The following FKTN variants were observed in gnomAD, a reference collection of about 807,000 sequenced individuals.
FKTN encodes the protein fukutin.
FKTN carries 47 observed loss-of-function variants against 58.6 expected under a neutral mutation model. That is an observed-to-expected ratio of 0.80 (90% CI 0.63 to 1.02). The LOEUF is 1.02. Ranked by LOEUF, FKTN falls within the 50% of genes least tolerant of loss-of-function variation. The pLI is 0.00. For missense variants in FKTN, 516 were observed against 537.3 expected (o/e 0.96, Z 0.39); for synonymous variants, 178 against 191.9 (o/e 0.93, Z 0.60).
In FKTN at chr9:105,604,410, T is replaced by C; in HGVS notation, c.565T>C (p.Leu189=). The C allele has an allele frequency of 6.2e-7, 1 of 1,614,080 alleles. No homozygotes were observed. Among genetic ancestry groups the C allele is most frequent in the East Asian group, 2.2e-5 (1 of 44,878 alleles). The change falls in exon 6 of 11, where the codon TTG becomes CTG. Residue 189 remains leucine, a synonymous_variant. Transcript: ENST00000357998. ...RSGNYLWHGH[L]RLKEHIDRKF... is the part of the protein sequence containing the mutation. ...TGGCAACTACCTCTGGCACGGCCAC[T>C]TGAGACTTAAAGAACACATTGACAG...
Position 105,637,089 on chromosome 9 carries a change from A to AC in FKTN, c.*1828dup. 1.0e-6 allele frequency: 1 copy of AC among 986,550 alleles called. No individual in the cohort carries two copies. The allele number at this position is 986,550 out of a possible 1,614,324, so 61.1% of individuals were successfully genotyped here. Reference sequence around the variant, plus strand: ...TGCATTCCCAAATTCTAAATAGCTGACCCTAAATTCATTTTTCATGCTTAA... The same window carrying AC: ...TGCATTCCCAAATTCTAAATAGCTGACCCCTAAATTCATTTTTCATGCTTAA... On this transcript the variant is annotated 3_prime_UTR_variant, in exon 11 of 11. Transcript: ENST00000357998.
At chr9:105,560,826 C>T (rs754284409) in intron 1 of FKTN, among the ~76,000 whole-genome samples, 7 of 152,118 alleles carry the variant, frequency 4.6e-5, no homozygotes, top group Admixed American at 1.3e-4. Flanking sequence ...CGGTGGCTCA[C>T]GTCTGTAATC....
chr9:105,621,179 G>C (rs1005705925), intron 10 of FKTN, among the ~76,000 whole-genome samples: 1 of 152,128 alleles, frequency 6.6e-6, no homozygotes, highest in Admixed American at 6.5e-5. Context: ...TTTAACAAGA[G>C]AAATGAGCAG....
At chr9:105,577,986 A>G (rs551380582) in intron 3 of FKTN, among the ~76,000 whole-genome samples, 1 of 151,978 alleles carries the variant, frequency 6.6e-6, no homozygotes, top group East Asian at 1.9e-4. Flanking sequence ...TTGTTGGTGT[A>G]TAAGAATGCT....
intron 1 of FKTN, among the ~76,000 whole-genome samples, chr9:105,562,872 G>A (rs1386336598): frequency 1.3e-5 from 2 of 152,058 alleles, no homozygotes; most frequent in Non-Finnish European, 2.9e-5. Context: ...AATAAGTCGG[G>A]GATCCCACAG....
chr9:105,626,981 C>CTTTTTTTTTTTTTTTTTTTTTTT (rs60710867), intron 10 of FKTN, among the ~76,000 whole-genome samples: 1 of 128,032 alleles, frequency 7.8e-6, no homozygotes, highest in African/African-American at 3.0e-5. Context: ...CTTCTTTATT[C>CTTTTTTTTTTTTTTTTTTTTTTT]TTTTTTTTTT....
rs977450119 is a variant in FKTN at position 105,637,234 on chromosome 9, T to C, written c.*1970T>C. ...ACTCCACATTTCTCCCCATTTCCAA[T>C]TGGGACTCCCATTCTTTGCCAGGAG... On this transcript the variant is annotated 3_prime_UTR_variant, in exon 11 of 11. Transcript: ENST00000357998. 5.1e-5 allele frequency: 50 copies of C among 985,396 alleles called. No homozygotes were observed. Among genetic ancestry groups the C allele is most frequent in the Middle Eastern group, 5.2e-4 (1 of 1,912 alleles). 61.0% of individuals were successfully genotyped at this position (985,396 alleles called of 1,614,324 possible).
chr9:105,627,067 G>T, intron 10 of FKTN, among the ~76,000 whole-genome samples: 1 of 151,040 alleles, frequency 6.6e-6, no homozygotes, highest in Non-Finnish European at 1.5e-5. Context: ...CCACCTCCCA[G>T]GTTCAAGCAG....
chr9:105,613,898 T>G (rs1830360953), intron 7 of FKTN, among the ~76,000 whole-genome samples: 1 of 152,148 alleles, frequency 6.6e-6, no homozygotes, highest in Non-Finnish European at 1.5e-5. Flanking sequence ...CTGGGAAAAC[T>G]GGGGAATGTT....
At chr9:105,565,565 ATG>A (rs1260782331) in intron 1 of FKTN, among the ~76,000 whole-genome samples, 3 of 152,010 alleles carry the variant, frequency 2.0e-5, no homozygotes, top group African/African-American at 7.3e-5. Flanking sequence ...CCATTACATA[ATG>A]GTAAAGGGAT....
At chr9:105,577,003 T>G in intron 3 of FKTN, among the ~76,000 whole-genome samples, 3 of 102,776 alleles carry the variant, frequency 2.9e-5, no homozygotes, top group Non-Finnish European at 4.1e-5. Flanking sequence ...TCGCCCACTT[T>G]TTGATGGGGT....
intron 1 of FKTN, among the ~76,000 whole-genome samples, chr9:105,561,030 G>A (rs1436176565): frequency 6.6e-6 from 1 of 151,896 alleles, no homozygotes; most frequent in Non-Finnish European, 1.5e-5. Context: ...AGGTTGCAGT[G>A]AGCTGAGATT....
At chr9:105,592,939 C>T (rs1252848637) in intron 3 of FKTN, among the ~76,000 whole-genome samples, 1 of 152,208 alleles carries the variant, frequency 6.6e-6, no homozygotes, top group Non-Finnish European at 1.5e-5. Flanking sequence ...CAAACTTTCC[C>T]TTTGCCTATT....
chr9:105,632,175 A>T (rs1413569708), intron 10 of FKTN, among the ~76,000 whole-genome samples: 1 of 151,706 alleles, frequency 6.6e-6, no homozygotes, highest in Non-Finnish European at 1.5e-5. Flanking sequence ...AGAACAAAAA[A>T]CCAAACACCG....
Position 105,638,960 on chromosome 9 carries a change from G to A in FKTN, c.*3696G>A. The A allele has an allele frequency of 1.0e-6, 1 of 985,150 alleles. No homozygotes were observed. Among genetic ancestry groups the A allele is most frequent in the Non-Finnish European group, 1.2e-6 (1 of 829,786 alleles). The allele number at this position is 985,150 out of a possible 1,614,324, so 61.0% of individuals were successfully genotyped here. A position where few individuals can be genotyped will look rare whatever the true frequency, so the allele number is the denominator to read the frequency against. ...AGAGCTAAATCTGGAAAACACATTT[G>A]GAATGAGCTTCCACACTTCAGTCTA... On this transcript the variant is annotated 3_prime_UTR_variant, in exon 11 of 11. Coordinates refer to ENST00000357998, the MANE Select transcript of FKTN (RefSeq NM_001079802.2).
intron 4 of FKTN, among the ~76,000 whole-genome samples, chr9:105,600,611 T>C (rs1260954264): frequency 1.3e-5 from 2 of 152,176 alleles, no homozygotes; most frequent in Non-Finnish European, 2.9e-5. Context: ...GCAGGCAGTG[T>C]ATTTTGGTCT....
intron 9 of FKTN, among the ~76,000 whole-genome samples, chr9:105,619,463 CA>C (rs1831466846): frequency 6.6e-6 from 1 of 151,302 alleles, no homozygotes; most frequent in African/African-American, 2.4e-5. Context: ...TTCTTTTTTC[CA>C]TGTGTGTAGT....
At chr9:105,591,718 GC>G (rs1464955434) in intron 3 of FKTN, among the ~76,000 whole-genome samples, 2 of 152,190 alleles carry the variant, frequency 1.3e-5, no homozygotes, top group Non-Finnish European at 2.9e-5. Flanking sequence ...AGTAGGCAGT[GC>G]CCCAGTGGGG....
intron 10 of FKTN, among the ~76,000 whole-genome samples, chr9:105,628,952 G>A (rs573729573): frequency 3.9e-5 from 6 of 152,204 alleles, no homozygotes; most frequent in East Asian, 1.9e-4. Flanking sequence ...AACTTTGGAC[G>A]AGGGGTTGGT....
Sources: gnomAD v4.1 joint callset for allele counts (sites outside exome capture counted in the v4.1 genomes callset) on GRCh38, gnomAD v4.1.1 for gene constraint, MANE v1.5 for transcripts, NCBI Gene and HGNC (gene_info 2026-07-23, HGNC 2026-07-21) for gene names.